Variants in CEMIP observed in about 807,000 individuals in gnomAD.
CEMIP encodes the protein cell migration-inducing and hyaluronan-binding protein.
In CEMIP, 105 loss-of-function variants were observed where a neutral mutation model predicts 156.9. The ratio of observed to expected loss-of-function variants is 0.67; its 90% confidence interval spans 0.57 to 0.79. The LOEUF (loss-of-function observed/expected upper bound fraction) is 0.79. Among genes scored for constraint, CEMIP ranks in the 30% least tolerant of loss-of-function variants. The pLI is 0.00. For missense variants in CEMIP, 1,457 were observed against 1,769.4 expected (o/e 0.82, Z 3.17); for synonymous variants, 676 against 668.4 (o/e 1.01, Z -0.17).
chr15:80,903,507 G>C (rs1303037527), intron 12 of CEMIP, among the ~76,000 whole-genome samples: 1 of 152,348 alleles, frequency 6.6e-6, no homozygotes, highest in South Asian at 2.1e-4. Context: ...AAGGAAGGAT[G>C]ATGGTCTGGT....
intron 1 of CEMIP, among the ~76,000 whole-genome samples, chr15:80,839,894 AC>A (rs1374185879): frequency 6.6e-6 from 1 of 152,094 alleles, no homozygotes; most frequent in African/African-American, 2.4e-5. Context: ...CCTCACAACA[AC>A]CCTAGCAGGT....
At chr15:80,918,519 G>A (rs1227940677) in intron 14 of CEMIP, among the ~76,000 whole-genome samples, 1 of 152,208 alleles carries the variant, frequency 6.6e-6, no homozygotes, top group Non-Finnish European at 1.5e-5. Context: ...TGTTCACACA[G>A]TGCCAGGGTG....
intron 23 of CEMIP, 60 bp downstream of exon 23, chr15:80,933,520 G>GAGTAGACACTCAC: frequency 7.6e-7 from 1 of 1,324,344 alleles, no homozygotes; most frequent in Non-Finnish European, 1.1e-6. Flanking sequence ...CAAGCATTCA[G>GAGTAGACACTCAC]TGAGTGTCTA....
chr15:80,857,574 C>T (rs899518529), intron 1 of CEMIP, among the ~76,000 whole-genome samples: 2 of 152,050 alleles, frequency 1.3e-5, no homozygotes, highest in African/African-American at 4.8e-5. Context: ...GAGGAAGGAC[C>T]CTTAGAAGTT....
chr15:80,786,627 C>G (rs369215107), intron 1 of CEMIP, among the ~76,000 whole-genome samples: 7 of 148,210 alleles, frequency 4.7e-5, no homozygotes, highest in African/African-American at 1.0e-4. Context: ...AATTGAAAAC[C>G]AGAATTAAAA....
intron 1 of CEMIP, among the ~76,000 whole-genome samples, chr15:80,851,364 T>C (rs1229353004): frequency 6.6e-6 from 1 of 152,242 alleles, no homozygotes; most frequent in Non-Finnish European, 1.5e-5. Flanking sequence ...CGTTGAGCAT[T>C]GATTCTGTGA....
chr15:80,813,720 G>A (rs1305310345), intron 1 of CEMIP, among the ~76,000 whole-genome samples: 1 of 152,180 alleles, frequency 6.6e-6, no homozygotes, highest in Non-Finnish European at 1.5e-5. Flanking sequence ...AGGTCCAATG[G>A]CAAGTGGAAC....
At chr15:80,808,783 A>G (rs1896581864) in intron 1 of CEMIP, among the ~76,000 whole-genome samples, 1 of 81,186 alleles carries the variant, frequency 1.2e-5, no homozygotes, top group African/African-American at 3.9e-5. Flanking sequence ...CATATGGGGA[A>G]GCCAAAAAAA....
At chr15:80,791,131 GAGA>G (rs1896071111) in intron 1 of CEMIP, among the ~76,000 whole-genome samples, 1 of 151,982 alleles carries the variant, frequency 6.6e-6, no homozygotes, top group Non-Finnish European at 1.5e-5. Flanking sequence ...AAGATATTTA[GAGA>G]AGAACTAGAA....
At chr15:80,790,670 A>C (rs1428471263) in intron 1 of CEMIP, among the ~76,000 whole-genome samples, 1 of 152,200 alleles carries the variant, frequency 6.6e-6, no homozygotes, top group Non-Finnish European at 1.5e-5. Flanking sequence ...ATGTTGCTCA[A>C]ATCTTGACTT....
At chr15:80,938,541 G>A (rs1207448591) in intron 25 of CEMIP, among the ~76,000 whole-genome samples, 1 of 152,158 alleles carries the variant, frequency 6.6e-6, no homozygotes, top group Non-Finnish European at 1.5e-5. Flanking sequence ...GGAGGCGGAG[G>A]TTGCAGTGAG....
intron 10 of CEMIP, among the ~76,000 whole-genome samples, chr15:80,891,389 T>C (rs142841476): frequency 9.1e-4 from 139 of 152,294 alleles, no homozygotes; most frequent in African/African-American, 3.2e-3. Flanking sequence ...AAGACCTTCA[T>C]AGGGACCCAA....
chr15:80,805,611 T>G, intron 1 of CEMIP, among the ~76,000 whole-genome samples: 1 of 152,240 alleles, frequency 6.6e-6, no homozygotes, highest in Non-Finnish European at 1.5e-5. Context: ...TAATTAACTT[T>G]ATTATTATGT....
At chr15:80,818,614 A>C (rs550699654) in intron 1 of CEMIP, among the ~76,000 whole-genome samples, 123 of 152,338 alleles carry the variant, frequency 8.1e-4, no homozygotes, top group African/African-American at 2.8e-3. Flanking sequence ...CAATTTCAAC[A>C]GGTCAACTCC....
chr15:80,793,824 G>T (rs1045624812), intron 1 of CEMIP, among the ~76,000 whole-genome samples: 4 of 152,168 alleles, frequency 2.6e-5, no homozygotes, highest in African/African-American at 9.7e-5. Flanking sequence ...TGGGACCTAT[G>T]TTGGGGAAAC....
Position 80,841,622 on chromosome 15 carries a change from G to C in CEMIP, c.-175-31916G>C, listed in dbSNP as rs193145815. ...AGTCCACCTGGTATGTTTATCAGGA[G>C]GCTCTTTCTTTTTCCTTCCTTCTCT... On this transcript the variant is annotated intron_variant, in intron 1 of 29. Coordinates refer to ENST00000394685, the MANE Select transcript of CEMIP (RefSeq NM_001293298.2). 4.2e-3 allele frequency among the ~76,000 whole-genome samples: 636 copies of C among 152,302 alleles called. 3 individuals are homozygous for C. The highest frequency in any genetic ancestry group is 5.9e-3 in the Non-Finnish European group (403 of 68,028).
chr15:80,879,951 T>C, intron 5 of CEMIP, 97 bp downstream of exon 5: 2 of 1,376,292 alleles, frequency 1.5e-6, no homozygotes, highest in African/African-American at 1.4e-5. Context: ...CAAGCTTGCC[T>C]GTAAGATAGG....
At chr15:80,940,602 A>G (rs988784758) in intron 25 of CEMIP, among the ~76,000 whole-genome samples, 20 of 152,218 alleles carry the variant, frequency 1.3e-4, no homozygotes, top group Non-Finnish European at 2.1e-4. Flanking sequence ...AGGCCTCTGT[A>G]ACAGTCAGTT....
At chr15:80,793,826 T>C (rs1896147310) in intron 1 of CEMIP, among the ~76,000 whole-genome samples, 1 of 152,142 alleles carries the variant, frequency 6.6e-6, no homozygotes, top group African/African-American at 2.4e-5. Context: ...GGACCTATGT[T>C]GGGGAAACAC....
Sources: gnomAD v4.1 joint callset for allele counts (sites outside exome capture counted in the v4.1 genomes callset) on GRCh38, gnomAD v4.1.1 for gene constraint, MANE v1.5 for transcripts, NCBI Gene and HGNC (gene_info 2026-07-23, HGNC 2026-07-21) for gene names.